Variants in DLGAP2 observed in about 807,000 individuals in gnomAD.
DLGAP2 encodes DLG associated protein 2.
DLGAP2 carries 26 observed loss-of-function variants against 100.3 expected under a neutral mutation model. The observed-to-expected ratio is 0.26, with a 90% CI of 0.19 to 0.36. The LOEUF is 0.36. Among genes scored for constraint, DLGAP2 ranks in the 10% least tolerant of loss-of-function variants. DLGAP2 has a pLI of 1.00. For missense variants in DLGAP2, 1,858 were observed against 1,453.2 expected (o/e 1.28, Z -4.53); for synonymous variants, 886 against 630.1 (o/e 1.41, Z -6.08).
chr8:1,219,255 T>C (rs1436623030), intron 2 of DLGAP2, among the ~76,000 whole-genome samples: 1 of 152,162 alleles, frequency 6.6e-6, no homozygotes, highest in African/African-American at 2.4e-5. Context: ...TTGGCTGTGG[T>C]TTTGTCATAG....
intron 2 of DLGAP2, among the ~76,000 whole-genome samples, chr8:1,085,477 T>A (rs931147749): frequency 6.6e-6 from 1 of 152,210 alleles, no homozygotes; most frequent in East Asian, 1.9e-4. Flanking sequence ...CCTCTAGTAG[T>A]TTTGCAGTTT....
At chr8:1,537,239 G>C (rs1340135562) in intron 4 of DLGAP2, among the ~76,000 whole-genome samples, 1 of 152,156 alleles carries the variant, frequency 6.6e-6, no homozygotes, top group African/African-American at 2.4e-5. Context: ...CTGTGTGTTT[G>C]CGTGTGCGTG....
chr8:1,307,845 G>C (rs953266282), intron 3 of DLGAP2, among the ~76,000 whole-genome samples: 2 of 152,296 alleles, frequency 1.3e-5, no homozygotes, highest in African/African-American at 4.8e-5. Flanking sequence ...GTAGAAAGGA[G>C]GCTGCCGGGG....
At chr8:1,344,786 T>A (rs1234022381) in intron 3 of DLGAP2, among the ~76,000 whole-genome samples, 1 of 152,184 alleles carries the variant, frequency 6.6e-6, no homozygotes, top group Non-Finnish European at 1.5e-5. Flanking sequence ...AACTGAGGCA[T>A]CTGTGCAGGA....
At chr8:1,434,264 G>T (rs571011868) in intron 3 of DLGAP2, among the ~76,000 whole-genome samples, 1 of 152,174 alleles carries the variant, frequency 6.6e-6, no homozygotes. Context: ...TTTTCCTGCA[G>T]ATTATCTGAG....
intron 2 of DLGAP2, among the ~76,000 whole-genome samples, chr8:1,203,273 T>C (rs56067916): frequency 0.68 from 72,528 of 107,158 alleles, 29,667 homozygotes; most frequent in African/African-American, 0.91. Flanking sequence ...CCTTCGGTGA[T>C]GAGGCCGCCC....
In DLGAP2 at chr8:893,442, A is replaced by G. The variant is rs751145019; in HGVS notation, c.19-14470A>G. Among the ~76,000 whole-genome samples the G allele has an allele frequency of 3.2e-4, 49 of 152,278 alleles. 1 individual carries two copies. Among genetic ancestry groups the G allele is most frequent in the Non-Finnish European group, 6.8e-4 (46 of 68,012 alleles). ...ATTTCTCACATTGCAAATCCATTCA[A>G]TTAGATTTAATTAGGCAGATGGAGC... is the stretch of plus-strand genomic sequence containing the variant. On this transcript the variant is annotated intron_variant, in intron 1 of 14. Transcript: ENST00000637795.
intron 5 of DLGAP2, among the ~76,000 whole-genome samples, chr8:1,555,780 T>A (rs1222452515): frequency 6.6e-6 from 1 of 152,206 alleles, no homozygotes; most frequent in Non-Finnish European, 1.5e-5. Context: ...CACATTCTTA[T>A]CCCCATGACG....
At chr8:1,171,725 C>A (rs945418898) in intron 2 of DLGAP2, among the ~76,000 whole-genome samples, 42 of 151,416 alleles carry the variant, frequency 2.8e-4, no homozygotes, top group Non-Finnish European at 4.1e-4. Context: ...TTTTTGTTTT[C>A]CATTGGCTTG....
chr8:1,441,233 C>G (rs1006244106), intron 3 of DLGAP2, among the ~76,000 whole-genome samples: 4 of 152,084 alleles, frequency 2.6e-5, no homozygotes, highest in African/African-American at 9.7e-5. Flanking sequence ...TTCATAAATT[C>G]TGGCAGATTT....
chr8:1,177,568 A>G (rs1205492570), intron 2 of DLGAP2, among the ~76,000 whole-genome samples: 1 of 152,294 alleles, frequency 6.6e-6, no homozygotes, highest in East Asian at 1.9e-4. Flanking sequence ...CTCTTAGATG[A>G]CTTTTATTTC....
At chr8:851,831 C>A (rs148485794) in intron 1 of DLGAP2, among the ~76,000 whole-genome samples, 2,268 of 152,174 alleles carry the variant, frequency 0.015, 27 homozygotes, top group African/African-American at 0.037. Context: ...GTGACTGTTC[C>A]GTGACTGCTG....
At chr8:913,642 A>G (rs1798533958) in intron 2 of DLGAP2, among the ~76,000 whole-genome samples, 1 of 152,240 alleles carries the variant, frequency 6.6e-6, no homozygotes, top group African/African-American at 2.4e-5. Context: ...CATCTTGACT[A>G]GTCCTGTAAC....
At chr8:875,972 A>AAACG (rs1797681465) in intron 1 of DLGAP2, among the ~76,000 whole-genome samples, 1 of 152,192 alleles carries the variant, frequency 6.6e-6, no homozygotes, top group Non-Finnish European at 1.5e-5. Flanking sequence ...TTAATGTTGC[A>AAACG]AACGCAACAG....
intron 2 of DLGAP2, among the ~76,000 whole-genome samples, chr8:1,246,511 G>A (rs1466554747): frequency 6.6e-6 from 1 of 152,152 alleles, no homozygotes; most frequent in African/African-American, 2.4e-5. Context: ...TTGGATTTGG[G>A]AATTCATCAT....
chr8:917,610 C>G (rs769300635), intron 2 of DLGAP2, among the ~76,000 whole-genome samples: 1 of 151,754 alleles, frequency 6.6e-6, no homozygotes, highest in Non-Finnish European at 1.5e-5. Context: ...GAGACAGGGT[C>G]TCGCTCTGTT....
chr8:1,072,763 A>T (rs1423274540), intron 2 of DLGAP2, among the ~76,000 whole-genome samples: 2 of 152,164 alleles, frequency 1.3e-5, no homozygotes, highest in Non-Finnish European at 2.9e-5. Flanking sequence ...TAGGGTGGAG[A>T]ATGACACTTT....
chr8:1,552,510 C>T (rs933678810), intron 5 of DLGAP2, among the ~76,000 whole-genome samples: 2 of 152,286 alleles, frequency 1.3e-5, no homozygotes, highest in East Asian at 1.9e-4. Context: ...GCTGGATTGA[C>T]GTCTGGCATT....
chr8:1,009,340 C>T (rs911454775), intron 2 of DLGAP2, among the ~76,000 whole-genome samples: 5 of 152,132 alleles, frequency 3.3e-5, no homozygotes, highest in African/African-American at 7.2e-5. Flanking sequence ...GATGTCATAT[C>T]GGATAACGGG....
Sources: gnomAD v4.1 joint callset for allele counts (sites outside exome capture counted in the v4.1 genomes callset) on GRCh38, gnomAD v4.1.1 for gene constraint, MANE v1.5 for transcripts, NCBI Gene and HGNC (gene_info 2026-07-23, HGNC 2026-07-21) for gene names.